The following NEDD1 variants were observed in gnomAD, a reference collection of about 807,000 sequenced individuals.
NEDD1 encodes the protein protein NEDD1.
NEDD1 carries 33 observed loss-of-function variants against 74.0 expected under a neutral mutation model. The observed-to-expected ratio is 0.45, with a 90% CI of 0.34 to 0.60. The LOEUF (loss-of-function observed/expected upper bound fraction) is 0.60, where lower values mean the gene tolerates loss of function less well. Among genes scored for constraint, NEDD1 ranks in the 20% least tolerant of loss-of-function variants. The probability of loss-of-function intolerance (pLI) is 0.01; values close to 1 mark genes in which losing one functional copy is unlikely to be tolerated. For synonymous variants in NEDD1, 250 were observed against 264.4 expected (o/e 0.95, Z 0.53); for missense variants, 746 against 776.5 (o/e 0.96, Z 0.47).
chr12:96,907,925 C>T, intron 2 of NEDD1, 69 bp downstream of exon 2: 3 of 1,250,756 alleles, frequency 2.4e-6, no homozygotes, highest in African/African-American at 3.0e-5. Context: ...AATCACCCGG[C>T]GAGTTGTGTT....
intron 4 of NEDD1, among the ~76,000 whole-genome samples, chr12:96,916,260 A>ATTC (rs926556559): frequency 2.0e-5 from 3 of 149,390 alleles, no homozygotes; most frequent in African/African-American, 7.4e-5. Flanking sequence ...TATTATTATT[A>ATTC]TTTTTAAATT....
intron 14 of NEDD1, among the ~76,000 whole-genome samples, chr12:96,947,837 G>A (rs533780313): frequency 1.3e-5 from 2 of 152,186 alleles, no homozygotes; most frequent in African/African-American, 4.8e-5. Context: ...TGGTGAAGAC[G>A]TACAGTCAGT....
chr12:96,931,414 A>T lies in NEDD1; in HGVS notation c.490-3562A>T, dbSNP rs533457900. Among the ~76,000 whole-genome samples the T allele has an allele frequency of 5.9e-5, 9 of 152,338 alleles. No individual in the cohort carries two copies. In the South Asian group the frequency reaches 1.9e-3, roughly 32 times the overall value. On this transcript the variant is annotated intron_variant, in intron 6 of 15. Transcript: ENST00000266742. ...GAAGGTATTTACAATGTATGAGAGC[A>T]GTTGCAATGTAAGAGCAGTTGCAAA... is the stretch of plus-strand genomic sequence containing the variant.
At chr12:96,907,537 A>G in intron 1 of NEDD1, 67 bp from the exon 2 acceptor site, 2 of 1,385,960 alleles carry the variant, frequency 1.4e-6, no homozygotes, top group African/African-American at 1.4e-5. Flanking sequence ...CTGCCTCCGA[A>G]AAGTTTGCCT....
intron 5 of NEDD1, among the ~76,000 whole-genome samples, chr12:96,919,090 ACT>A (rs1009094843): frequency 6.6e-6 from 1 of 151,252 alleles, no homozygotes; most frequent in Non-Finnish European, 1.5e-5. Flanking sequence ...CCTGTTAAAA[ACT>A]CTTCTCCCAA....
In NEDD1 at chr12:96,937,398, A is replaced by G. The variant is rs1233210006; in HGVS notation, c.1117+5A>G. The G allele has an allele frequency of 6.5e-7, 1 of 1,535,998 alleles. No homozygotes were observed. Reference sequence around the variant, plus strand: ...TTGCTGTTCAAGAAAAAGCAGGTAAATGTTGCTTATATATTGTTGGAGGGT... The same window carrying G: ...TTGCTGTTCAAGAAAAAGCAGGTAAGTGTTGCTTATATATTGTTGGAGGGT... On this transcript the variant is annotated splice_donor_5th_base_variant and intron_variant, in intron 9 of 15. Transcript: ENST00000266742.
intron 13 of NEDD1, 74 bp downstream of exon 13, chr12:96,944,869 G>A (rs549925865): frequency 9.1e-6 from 10 of 1,102,040 alleles, no homozygotes; most frequent in South Asian, 1.8e-5. Flanking sequence ...ACTTGTAAAG[G>A]AGAAATAGAG....
At chr12:96,913,882 A>T (rs1874179925) in intron 4 of NEDD1, among the ~76,000 whole-genome samples, 1 of 152,008 alleles carries the variant, frequency 6.6e-6, no homozygotes, top group Non-Finnish European at 1.5e-5. Context: ...ACACACTGGG[A>T]TAGGTAAAGT....
At position 96,940,429 on chromosome 12, in the gene NEDD1, A is replaced by G. The variant is rs374493100; in HGVS notation, c.1138A>G (p.Thr380Ala). The change falls in exon 10 of 16, where the codon ACA becomes GCA. Residue 380 changes from threonine to alanine, a missense_variant. Coordinates refer to ENST00000266742, the MANE Select transcript of NEDD1 (RefSeq NM_152905.4). ...ATAAGGTTTGCCTCGAAGCATAAAC[A>G]CAGACACTTTATCTAAGGAAACAGA... is the stretch of plus-strand genomic sequence containing the variant. ...EKAGLPRSIN[T>A]DTLSKETDSG... 1.3e-6 allele frequency: 2 copies of G among 1,597,914 alleles called. No individual in the cohort carries two copies. Among genetic ancestry groups the G allele is most frequent in the Non-Finnish European group, 1.7e-6 (2 of 1,166,788 alleles).
chr12:96,911,084 C>T (rs1873874051), intron 3 of NEDD1, among the ~76,000 whole-genome samples: 1 of 152,164 alleles, frequency 6.6e-6, no homozygotes, highest in South Asian at 2.1e-4. Context: ...TAATCAAACT[C>T]ATGGTGAAGT....
chr12:96,915,732 A>G (rs921398001), intron 4 of NEDD1, among the ~76,000 whole-genome samples: 1 of 152,230 alleles, frequency 6.6e-6, no homozygotes, highest in African/African-American at 2.4e-5. Context: ...GGTGACACTC[A>G]AAGATACTCA....
chr12:96,935,201 A>G lies in NEDD1; in HGVS notation c.715A>G (p.Lys239Glu). 6.6e-7 allele frequency: 1 copy of G among 1,511,736 alleles called. No homozygotes were observed. Among genetic ancestry groups the G allele is most frequent in the Non-Finnish European group, 9.2e-7 (1 of 1,086,400 alleles). The allele number at this position is 1,511,736 out of a possible 1,614,324, so 93.6% of individuals were successfully genotyped here. A position where few individuals can be genotyped will look rare whatever the true frequency, so the allele number is the denominator to read the frequency against. The stretch of plus-strand genomic sequence containing the variant: ...AATCATCCTCTATGACACTTCAAGT[A>G]AGAAGTAAGTGTGACATGCTTATTT... Reference protein sequence around the residue: ...KRIILYDTSSKKLVKTLVADT... With the variant: ...KRIILYDTSSEKLVKTLVADT... The change falls in exon 7 of 16, where the codon AAG becomes GAG. Residue 239 changes from lysine (K) to glutamate (E), a missense_variant. Coordinates refer to ENST00000266742, the MANE Select transcript of NEDD1 (RefSeq NM_152905.4).
chr12:96,930,381 A>G (rs1345411492), intron 6 of NEDD1, among the ~76,000 whole-genome samples: 7 of 152,194 alleles, frequency 4.6e-5, no homozygotes, highest in Admixed American at 4.6e-4. Context: ...CAAAACCAGC[A>G]AAGAGAAAAG....
At position 96,937,353 on chromosome 12, in the gene NEDD1, A is replaced by G. The variant is rs1877228089; in HGVS notation, c.1077A>G (p.Ser359=). The change falls in exon 9 of 16, where the codon TCA becomes TCG. Residue 359 remains serine (S), a synonymous_variant. Transcript: ENST00000266742. ...CAGTTCTACCACAACCTATGACATC[A>G]GCTATGGGGAAAGGAACAGTTGCTG... ...IATVLPQPMT[S]AMGKGTVAVQ... 6.2e-7 allele frequency: 1 copy of G among 1,609,438 alleles called. No homozygotes were observed. Among genetic ancestry groups the G allele is most frequent in the Non-Finnish European group, 8.5e-7 (1 of 1,177,740 alleles).
chr12:96,943,032 T>C, intron 11 of NEDD1, among the ~76,000 whole-genome samples: 1 of 152,050 alleles, frequency 6.6e-6, no homozygotes, highest in East Asian at 1.9e-4. Flanking sequence ...CTCTTAAGAT[T>C]ATGTTAATAA....
intron 14 of NEDD1, among the ~76,000 whole-genome samples, chr12:96,946,366 G>A (rs1878202698): frequency 6.6e-6 from 1 of 152,036 alleles, no homozygotes; most frequent in African/African-American, 2.4e-5. Context: ...CTACAATGCT[G>A]CTTTCTTTTA....
chr12:96,923,288 T>C (rs142341448), intron 6 of NEDD1, among the ~76,000 whole-genome samples: 2 of 152,352 alleles, frequency 1.3e-5, no homozygotes, highest in Non-Finnish European at 2.9e-5. Flanking sequence ...TGAATTGTCT[T>C]GTTTTAGCTG....
chr12:96,936,218 A>G lies in NEDD1; in HGVS notation c.720-393A>G, dbSNP rs182581128. Among the ~76,000 whole-genome samples the G allele has an allele frequency of 9.3e-3, 1,417 of 152,326 alleles. 9 individuals carry two copies. The highest frequency in any genetic ancestry group is 0.015 in the Non-Finnish European group (999 of 68,022). On this transcript the variant is annotated intron_variant, in intron 7 of 15. Transcript: ENST00000266742. ...AAAGGTCATAGTCCTCATGAGGCCTAAGCAGGTCAATAAATGGAAAGTGGA... is the reference window on the plus strand; with the variant it reads ...AAAGGTCATAGTCCTCATGAGGCCTGAGCAGGTCAATAAATGGAAAGTGGA...
At chr12:96,933,135 C>G (rs1173570856) in intron 6 of NEDD1, among the ~76,000 whole-genome samples, 1 of 151,396 alleles carries the variant, frequency 6.6e-6, no homozygotes, top group East Asian at 2.0e-4. Context: ...GTGGTAAGCT[C>G]CTTGTTGTTT....
Sources: gnomAD v4.1 joint callset for allele counts (sites outside exome capture counted in the v4.1 genomes callset) on GRCh38, gnomAD v4.1.1 for gene constraint, MANE v1.5 for transcripts, NCBI Gene and HGNC (gene_info 2026-07-23, HGNC 2026-07-21) for gene names.